The following PCDHA5 variants were observed in gnomAD, a reference collection of about 807,000 sequenced individuals.
PCDHA5 encodes the protein protocadherin alpha 5.
PCDHA5 carries 43 observed loss-of-function variants against 61.6 expected under a neutral mutation model. That is an observed-to-expected ratio of 0.70 (90% CI 0.55 to 0.90). The LOEUF is 0.90. Among genes scored for constraint, PCDHA5 ranks in the 40% least tolerant of loss-of-function variants. The pLI, the probability that PCDHA5 is intolerant of heterozygous loss-of-function variation, is 0.00. For synonymous variants in PCDHA5, 627 were observed against 543.9 expected (o/e 1.15, Z -2.13); for missense variants, 1,298 against 1,222.7 (o/e 1.06, Z -0.92).
intron 1 of PCDHA5, among the ~76,000 whole-genome samples, chr5:140,948,446 G>A (rs1445406552): frequency 6.6e-6 from 1 of 151,446 alleles, no homozygotes; most frequent in Non-Finnish European, 1.5e-5. Flanking sequence ...CTGTGCCAGG[G>A]ATTTTCTTTT....
At chr5:140,870,092 C>T (rs2051656113) in intron 1 of PCDHA5, 2 of 1,613,728 alleles carry the variant, frequency 1.2e-6, no homozygotes, top group African/African-American at 1.3e-5. Context: ...CCCCCAATGG[C>T]AGGTCACTGT....
At chr5:140,884,732 A>G in intron 1 of PCDHA5, 2 of 1,448,046 alleles carry the variant, frequency 1.4e-6, no homozygotes, top group South Asian at 1.6e-5. Flanking sequence ...TGTTTAAGAC[A>G]TCTTTCCTGC....
chr5:140,985,759 T>TTTTA (rs2097169056), intron 3 of PCDHA5, among the ~76,000 whole-genome samples: 2 of 149,086 alleles, frequency 1.3e-5, no homozygotes, highest in East Asian at 2.0e-4. Context: ...TTTTTTTTTT[T>TTTTA]GAGACAGTCT....
chr5:140,878,016 G>A, intron 1 of PCDHA5: 2 of 818,388 alleles, frequency 2.4e-6, no homozygotes, highest in Admixed American at 3.6e-5. Context: ...CATTAATGAA[G>A]GAAATATGTA....
At chr5:140,995,424 A>G (rs868948138) in intron 3 of PCDHA5, among the ~76,000 whole-genome samples, 10 of 152,186 alleles carry the variant, frequency 6.6e-5, no homozygotes, top group South Asian at 2.1e-4. Flanking sequence ...ATTACTCAGA[A>G]CAGCTTGCAA....
intron 1 of PCDHA5, among the ~76,000 whole-genome samples, chr5:140,921,909 CATG>C (rs1554200522): frequency 6.6e-6 from 1 of 151,678 alleles, no homozygotes; most frequent in Non-Finnish European, 1.5e-5. Context: ...ATATATATTA[CATG>C]ATAAAACTTA....
At chr5:140,836,355 T>G (rs2150258561) in intron 1 of PCDHA5, 2 of 1,613,660 alleles carry the variant, frequency 1.2e-6, no homozygotes, top group Admixed American at 3.3e-5. Flanking sequence ...CGGGGAGCCC[T>G]CGCTGACAGC....
chr5:140,835,857 T>C (rs2150246774), intron 1 of PCDHA5: 3 of 1,612,210 alleles, frequency 1.9e-6, no homozygotes, highest in Non-Finnish European at 8.5e-7. Flanking sequence ...GCTGGTGTCC[T>C]ACTCGCTGGT....
intron 1 of PCDHA5, among the ~76,000 whole-genome samples, chr5:140,847,067 A>G (rs1780844287): frequency 1.3e-5 from 2 of 149,984 alleles, no homozygotes; most frequent in Admixed American, 1.3e-4. Context: ...AAGCATCAAT[A>G]TGACAAGTAG....
In PCDHA5 at chr5:140,856,469, A is replaced by G. The variant is rs868928248; in HGVS notation, c.2352+32342A>G. 8.8e-6 allele frequency: 14 copies of G among 1,598,158 alleles called. 1 individual carries two copies. The highest frequency in any genetic ancestry group is 1.2e-5 in the Non-Finnish European group (14 of 1,167,896). ...CTCCGTAACAGAACAAAAGCTCTCA[A>G]TACCTGAATCCAGACTGCTTGACTC... is the stretch of plus-strand genomic sequence containing the variant. On this transcript the variant is annotated intron_variant, in intron 1 of 3. Transcript: ENST00000529859.
chr5:140,862,988 C>A (rs1554157382), intron 1 of PCDHA5: 6 of 546,930 alleles, frequency 1.1e-5, no homozygotes, highest in Non-Finnish European at 2.2e-5. Context: ...GGCGAAGGTG[C>A]GCACGGTGGA....
At chr5:140,889,240 T>C (rs782266675) in intron 1 of PCDHA5, among the ~76,000 whole-genome samples, 4 of 151,692 alleles carry the variant, frequency 2.6e-5, no homozygotes, top group Non-Finnish European at 4.4e-5. Context: ...TTCCAGAAAA[T>C]TTTCTGTTTC....
At chr5:140,943,893 A>AT (rs1364551909) in intron 1 of PCDHA5, among the ~76,000 whole-genome samples, 3 of 152,226 alleles carry the variant, frequency 2.0e-5, no homozygotes, top group Non-Finnish European at 4.4e-5. Flanking sequence ...ACTGGTCATT[A>AT]TGATGTCATG....
At chr5:140,883,355 A>C (rs763058953) in intron 1 of PCDHA5, 36 of 1,613,958 alleles carry the variant, frequency 2.2e-5, no homozygotes, top group Non-Finnish European at 3.0e-5. Context: ...CAGAGAAGAC[A>C]CTCAGCCTAG....
rs941007574 is a variant in PCDHA5, at chr5:141,010,090, C to T, written c.*153C>T. 1.9e-6 allele frequency: 3 copies of T among 1,612,518 alleles called. No individual in the cohort carries two copies. Among genetic ancestry groups the T allele is most frequent in the Non-Finnish European group, 2.5e-6 (3 of 1,179,284 alleles). ...AAGTTCCCTGTGTCTGTCTAGAACG[C>T]ATTTAACAGGTTTTGTCGTAAAAGC... is the stretch of plus-strand genomic sequence containing the variant. On this transcript the variant is annotated 3_prime_UTR_variant, in exon 4 of 4. Coordinates refer to ENST00000529859, the MANE Select transcript of PCDHA5 (RefSeq NM_018908.3).
chr5:140,848,357 T>C (rs2150409370), intron 1 of PCDHA5: 16 of 1,035,266 alleles, frequency 1.5e-5, no homozygotes, highest in African/African-American at 1.1e-4. Context: ...CCTTTTCCCA[T>C]GGGAAAGAGG....
At chr5:140,882,511 T>C (rs782672669) in intron 1 of PCDHA5, 2 of 1,614,128 alleles carry the variant, frequency 1.2e-6, no homozygotes, top group Admixed American at 3.3e-5. Flanking sequence ...ATCTGCAGAA[T>C]GGCATTTTGT....
chr5:140,933,359 C>G (rs2089088301), intron 1 of PCDHA5, among the ~76,000 whole-genome samples: 1 of 151,832 alleles, frequency 6.6e-6, no homozygotes, highest in Non-Finnish European at 1.5e-5. Context: ...TATTTCTAAC[C>G]CATCCCAAAT....
intron 1 of PCDHA5, among the ~76,000 whole-genome samples, chr5:140,898,600 G>A (rs2066865388): frequency 6.6e-6 from 1 of 152,184 alleles, no homozygotes; most frequent in Non-Finnish European, 1.5e-5. Context: ...TAGCCTTGTA[G>A]TATAGTTTGA....
Sources: allele counts gnomAD v4.1 joint callset (sites outside exome capture counted in the v4.1 genomes callset), GRCh38; gene constraint gnomAD v4.1.1; transcripts MANE v1.5; gene names NCBI Gene and HGNC (gene_info 2026-07-23, HGNC 2026-07-21).